The following NPAS3 variants were observed in gnomAD, a reference collection of about 807,000 sequenced individuals.
The protein encoded by NPAS3 is neuronal PAS domain protein 3.
A neutral mutation model predicts 73.1 loss-of-function variants in NPAS3; 14 were observed. The observed-to-expected ratio is 0.19, with a 90% CI of 0.13 to 0.30. The LOEUF is 0.30. Ranked by LOEUF, NPAS3 falls within the 10% of genes least tolerant of loss-of-function variation. The pLI is 1.00. For missense variants in NPAS3, 1,096 were observed against 1,250.0 expected, an observed-to-expected ratio of 0.88 and a Z score of 1.86; for synonymous variants, 620 against 541.5, an observed-to-expected ratio of 1.14 and a Z score of -2.01.
chr14:33,595,905 C>G (rs565240226), intron 5 of NPAS3, among the ~76,000 whole-genome samples: 1 of 152,152 alleles, frequency 6.6e-6, no homozygotes, highest in East Asian at 1.9e-4. Context: ...CTCCTGACCT[C>G]GTGATCCGAC....
intron 5 of NPAS3, among the ~76,000 whole-genome samples, chr14:33,653,023 C>T (rs1414472820): frequency 6.6e-6 from 1 of 152,200 alleles, no homozygotes; most frequent in African/African-American, 2.4e-5. Context: ...AGCTGTAATG[C>T]TGGCAACATT....
At chr14:33,578,143 T>C (rs2056517497) in intron 5 of NPAS3, 1 of 456,068 alleles carries the variant, frequency 2.2e-6, no homozygotes, top group Admixed American at 2.3e-5. Context: ...AACCTACTCT[T>C]ACTTTGCCTC....
intron 1 of NPAS3, among the ~76,000 whole-genome samples, chr14:32,976,121 C>T (rs897371325): frequency 1.6e-4 from 25 of 152,026 alleles, no homozygotes; most frequent in Non-Finnish European, 2.8e-4. Flanking sequence ...TTTATTAAGT[C>T]GGGCAAGAGT....
intron 5 of NPAS3, among the ~76,000 whole-genome samples, chr14:33,648,879 T>C (rs1184708890): frequency 2.0e-5 from 3 of 152,186 alleles, no homozygotes; most frequent in Non-Finnish European, 4.4e-5. Flanking sequence ...GTCCCATTGG[T>C]GCTGAGGAGC....
At chr14:33,236,767 G>T (rs1005851162) in intron 3 of NPAS3, among the ~76,000 whole-genome samples, 1 of 151,986 alleles carries the variant, frequency 6.6e-6, no homozygotes, top group African/African-American at 2.4e-5. Flanking sequence ...TTTTCCACAG[G>T]TCTTAAGAAA....
chr14:33,346,655 T>G (rs1438792767), intron 3 of NPAS3, among the ~76,000 whole-genome samples: 1 of 152,144 alleles, frequency 6.6e-6, no homozygotes, highest in Admixed American at 6.5e-5. Flanking sequence ...AGCTTTCAGT[T>G]TATAAAGCCA....
chr14:33,056,328 C>T (rs758800479), intron 2 of NPAS3, among the ~76,000 whole-genome samples: 6 of 152,092 alleles, frequency 3.9e-5, no homozygotes, highest in African/African-American at 9.7e-5. Context: ...ATACATTGCA[C>T]AGGTGCTACG....
At position 33,058,379 on chromosome 14, in the gene NPAS3, A is replaced by T. The variant is rs76088305; in HGVS notation, c.140+2385A>T. On this transcript the variant is annotated intron_variant, in intron 2 of 11. Coordinates refer to ENST00000356141, the Ensembl canonical transcript of NPAS3. The stretch of plus-strand genomic sequence containing the variant: ...TCAGTGTCAAACCATAAATTTCCTG[A>T]TTCTGTGGTGTGAATTATCACTTGC... Among the ~76,000 whole-genome samples the T allele has an allele frequency of 8.5e-4, 129 of 152,308 alleles. No individual in the cohort carries two copies. In the East Asian group the frequency reaches 0.016, roughly 19 times the overall value.
intron 4 of NPAS3, among the ~76,000 whole-genome samples, chr14:33,440,145 T>G (rs909481611): frequency 2.8e-4 from 43 of 151,178 alleles, no homozygotes; most frequent in Middle Eastern, 3.4e-3. Flanking sequence ...AAAAGACCAT[T>G]GTGGGAGAGT....
chr14:33,706,339 C>T (rs2060655648), intron 6 of NPAS3, among the ~76,000 whole-genome samples: 1 of 152,128 alleles, frequency 6.6e-6, no homozygotes, highest in African/African-American at 2.4e-5. Context: ...TTAGAATATC[C>T]ATGTAAGGGA....
chr14:32,978,702 A>C (rs1003199381), intron 1 of NPAS3, among the ~76,000 whole-genome samples: 1 of 152,162 alleles, frequency 6.6e-6, no homozygotes, highest in Admixed American at 6.5e-5. Flanking sequence ...CAAGATTATT[A>C]GTATTTCTGC....
chr14:33,046,988 G>A (rs1033018664), intron 1 of NPAS3, among the ~76,000 whole-genome samples: 2 of 151,878 alleles, frequency 1.3e-5, no homozygotes, highest in African/African-American at 4.8e-5. Context: ...AATAAAAAAA[G>A]AACCAGTTAG....
intron 6 of NPAS3, among the ~76,000 whole-genome samples, chr14:33,728,679 G>T (rs775470197): frequency 1.4e-4 from 21 of 152,296 alleles, no homozygotes; most frequent in Non-Finnish European, 1.5e-4. Flanking sequence ...CTTCAGAATT[G>T]CCCTGGCACA....
Position 33,324,143 on chromosome 14 carries a change from T to C in NPAS3, c.386-43043T>C, listed in dbSNP as rs1481251819. Among the ~76,000 whole-genome samples, 4 of 152,302 alleles carry C rather than the reference T, an allele frequency of 2.6e-5. No homozygotes were observed. The East Asian group carries it at 5.8e-4, about 22-fold the overall frequency. On this transcript the variant is annotated intron_variant, in intron 3 of 11. Coordinates refer to ENST00000356141, the Ensembl canonical transcript of NPAS3. ...AAATTAGGAATGACAGTTGCCAAAATGGCTGTCCTTCCTGCAGTCTGCCAG... is the reference window on the plus strand; with the variant it reads ...AAATTAGGAATGACAGTTGCCAAAACGGCTGTCCTTCCTGCAGTCTGCCAG...
intron 3 of NPAS3, among the ~76,000 whole-genome samples, chr14:33,266,805 C>G (rs1257904592): frequency 6.6e-6 from 1 of 152,140 alleles, no homozygotes; most frequent in Non-Finnish European, 1.5e-5. Context: ...ATGGCTAGTA[C>G]TCTAGCCACT....
chr14:33,221,964 G>A (rs1021699643), intron 3 of NPAS3, among the ~76,000 whole-genome samples: 47 of 151,992 alleles, frequency 3.1e-4, no homozygotes, highest in African/African-American at 9.7e-4. Flanking sequence ...ACATGGGAGC[G>A]CTCAGAAATG....
At chr14:33,612,397 C>G (rs1333180397) in intron 5 of NPAS3, 1 of 455,892 alleles carries the variant, frequency 2.2e-6, no homozygotes, top group African/African-American at 2.0e-5. Context: ...CTTTTCTACC[C>G]TCCACAGGCA....
intron 1 of NPAS3, among the ~76,000 whole-genome samples, chr14:33,030,844 T>C (rs1224314860): frequency 6.6e-6 from 1 of 152,156 alleles, no homozygotes; most frequent in African/African-American, 2.4e-5. Context: ...AACCTACGTA[T>C]GCACTAGAGA....
intron 2 of NPAS3, among the ~76,000 whole-genome samples, chr14:33,105,342 T>C (rs1196241652): frequency 6.6e-6 from 1 of 152,142 alleles, no homozygotes; most frequent in Non-Finnish European, 1.5e-5. Flanking sequence ...ATGAGAAAAC[T>C]GAGTAAGATA....
Sources: gnomAD v4.1 joint callset for allele counts (sites outside exome capture counted in the v4.1 genomes callset) on GRCh38, gnomAD v4.1.1 for gene constraint, MANE v1.5 for transcripts, NCBI Gene and HGNC (gene_info 2026-07-23, HGNC 2026-07-21) for gene names.